Variants in CMTM8 observed in about 807,000 individuals in gnomAD.
CMTM8 encodes CKLF-like MARVEL transmembrane domain-containing protein 8.
Under a neutral mutation model 18.6 loss-of-function variants are expected in CMTM8, and 12 were observed. The ratio of observed to expected loss-of-function variants is 0.65; its 90% CI spans 0.41 to 1.05. The LOEUF (loss-of-function observed/expected upper bound fraction) is 1.05. CMTM8 is among the 50% of genes least tolerant of loss of function. The pLI is 0.00. For synonymous variants in CMTM8, 87 were observed against 90.6 expected, an observed-to-expected ratio of 0.96 and a Z score of 0.23; for missense variants, 217 against 227.2, an observed-to-expected ratio of 0.95 and a Z score of 0.29.
chr3:32,270,296 G>T (rs1249300955), intron 1 of CMTM8, among the ~76,000 whole-genome samples: 2 of 152,162 alleles, frequency 1.3e-5, no homozygotes, highest in East Asian at 3.9e-4. Context: ...TACCACCATT[G>T]TGAAAGTCAG....
chr3:32,246,786 G>A (rs1454468960), intron 1 of CMTM8, among the ~76,000 whole-genome samples: 2 of 152,210 alleles, frequency 1.3e-5, no homozygotes, highest in Non-Finnish European at 1.5e-5. Flanking sequence ...ATTGATAAGA[G>A]GGTATATGAA....
intron 1 of CMTM8, among the ~76,000 whole-genome samples, chr3:32,277,619 C>T (rs1490988256): frequency 1.3e-5 from 2 of 152,062 alleles, no homozygotes; most frequent in Non-Finnish European, 2.9e-5. Context: ...TCAAAGGACT[C>T]TATTACCCGA....
intron 1 of CMTM8, among the ~76,000 whole-genome samples, chr3:32,331,076 G>A (rs1020359112): frequency 1.3e-5 from 2 of 152,092 alleles, no homozygotes; most frequent in South Asian, 4.1e-4. Context: ...TCTGATAAGA[G>A]GTTAATATCC....
intron 1 of CMTM8, among the ~76,000 whole-genome samples, chr3:32,311,096 A>G (rs1260725010): frequency 5.9e-5 from 9 of 152,246 alleles, no homozygotes; most frequent in Admixed American, 5.9e-4. Context: ...ACAAAAGAGT[A>G]TATACGGTAT....
intron 1 of CMTM8, among the ~76,000 whole-genome samples, chr3:32,255,386 T>C (rs1220564237): frequency 1.3e-5 from 2 of 152,220 alleles, no homozygotes; most frequent in South Asian, 2.1e-4. Context: ...ACAATCCCTG[T>C]ACTACTTTTT....
Position 32,304,306 on chromosome 3 carries a change from G to A in CMTM8, c.148-53067G>A, listed in dbSNP as rs116813297. 6.1e-3 allele frequency among the ~76,000 whole-genome samples: 934 copies of A among 152,284 alleles called. 12 individuals carry two copies. The highest frequency in any genetic ancestry group is 0.021 in the African/African-American group (880 of 41,542). On this transcript the variant is annotated intron_variant, in intron 1 of 3. Transcript: ENST00000307526. ...GCTGAAAATGGGTGTCCTATTCTGA[G>A]ACAAGGAGAATGAATTTTCCCCCAA... is the stretch of plus-strand genomic sequence containing the variant.
chr3:32,336,783 A>AT (rs1322297911), intron 1 of CMTM8, among the ~76,000 whole-genome samples: 2 of 151,868 alleles, frequency 1.3e-5, no homozygotes, highest in African/African-American at 2.4e-5. Flanking sequence ...GATAGCGTTC[A>AT]TTTTTTTCTT....
At chr3:32,309,964 T>C (rs564232886) in intron 1 of CMTM8, among the ~76,000 whole-genome samples, 1 of 152,346 alleles carries the variant, frequency 6.6e-6, no homozygotes, top group Admixed American at 6.5e-5. Context: ...TGGTCAGCCC[T>C]GCTTTCTGCA....
In CMTM8 at chr3:32,239,105, A is replaced by G. The variant is rs748368692; in HGVS notation, c.133A>G (p.Ile45Val). ...EFLRTLPGFL[I>V]VAEIVLGLLV... ...CCTCCGCACCCTGCCCGGCTTCCTC[A>G]TCGTGGCCGAGATCGTGAGTGCCGA... is the stretch of plus-strand genomic sequence containing the variant. Residue 45 changes from isoleucine (I) to valine (V), a missense_variant, in exon 1 of 4, where the codon ATC becomes GTC. Physicochemically the swap from Ile to Val is conservative, Grantham distance 29. Coordinates refer to ENST00000307526, the MANE Select transcript of CMTM8 (RefSeq NM_178868.5). The G allele has an allele frequency of 6.3e-7, 1 of 1,599,720 alleles. No homozygotes were observed. The highest frequency in any genetic ancestry group is 8.5e-7 in the Non-Finnish European group (1 of 1,173,896).
intron 1 of CMTM8, among the ~76,000 whole-genome samples, chr3:32,269,853 C>T (rs1031819426): frequency 6.6e-6 from 1 of 152,102 alleles, no homozygotes; most frequent in African/African-American, 2.4e-5. Context: ...TCATAGTTCA[C>T]TCTAAACTTG....
chr3:32,333,004 C>T (rs1436980061), intron 1 of CMTM8, among the ~76,000 whole-genome samples: 1 of 152,096 alleles, frequency 6.6e-6, no homozygotes, highest in Non-Finnish European at 1.5e-5. Flanking sequence ...TTTTAATGTA[C>T]ATAGATGGTA....
In CMTM8 at chr3:32,298,422, C is replaced by CT. The variant is rs542062371; in HGVS notation, c.148-58950dup. ...TTTGAGGATCTAAAATACAGAGATA[C>CT]TATAAACATACCCCCCTTTTTTTTT... is the stretch of plus-strand genomic sequence containing the variant. On this transcript the variant is annotated intron_variant, in intron 1 of 3. Transcript: ENST00000307526. 2.7e-3 allele frequency among the ~76,000 whole-genome samples: 402 copies of CT among 149,456 alleles called. 3 individuals are homozygous for CT. The highest frequency in any genetic ancestry group is 9.5e-3 in the African/African-American group (389 of 40,780).
At chr3:32,299,200 G>C (rs938547667) in intron 1 of CMTM8, among the ~76,000 whole-genome samples, 2 of 151,948 alleles carry the variant, frequency 1.3e-5, no homozygotes, top group Admixed American at 6.6e-5. Context: ...TGTAAGGTGA[G>C]AAAATTTCAA....
At position 32,367,929 on chromosome 3, in the gene CMTM8, G is replaced by T. The variant is rs371814015; in HGVS notation, c.379G>T (p.Ala127Ser). ...GTACCTCTCTGCCGCTGTTGTAGAT[G>T]CATCTTCCGTCTCCCCTGAGAGGGA... ...VLYLSAAVVD[A>S]SSVSPERDSH... The change falls in exon 3 of 4, where the codon GCA becomes TCA. Residue 127 changes from alanine to serine, a missense_variant. Ala to Ser is a moderately conservative substitution (Grantham distance 99). Transcript: ENST00000307526. 19 of 1,614,036 alleles carry T rather than the reference G, an allele frequency of 1.2e-5. No homozygotes were observed. The Admixed American group carries it at 1.7e-4, about 14-fold the overall frequency.
intron 2 of CMTM8, 148 bp downstream of exon 2, chr3:32,357,694 A>T (rs1696843658): frequency 1.5e-6 from 1 of 676,338 alleles, no homozygotes; most frequent in Non-Finnish European, 2.3e-6. Flanking sequence ...TCTCAGCATC[A>T]TCTAATTGCC....
rs541315515 is a variant in CMTM8, at chr3:32,296,677, A to T, written c.147+57558A>T. On this transcript the variant is annotated intron_variant, in intron 1 of 3. Coordinates refer to ENST00000307526, the MANE Select transcript of CMTM8 (RefSeq NM_178868.5). ...TTGCTTAAGTGCAAGAGCTCTGTTG[A>T]TGTATTCCACAGGAATGGCACCCCT... 5.9e-5 allele frequency among the ~76,000 whole-genome samples: 9 copies of T among 152,248 alleles called. No individual in the cohort carries two copies. In the South Asian group the frequency reaches 1.9e-3, roughly 32 times the overall value.
chr3:32,239,724 G>A (rs1701920591), intron 1 of CMTM8, among the ~76,000 whole-genome samples: 1 of 152,158 alleles, frequency 6.6e-6, no homozygotes, highest in Non-Finnish European at 1.5e-5. Context: ...TCTCTTCATT[G>A]GAGGGCATAG....
At chr3:32,241,295 C>T (rs1279044571) in intron 1 of CMTM8, among the ~76,000 whole-genome samples, 1 of 152,204 alleles carries the variant, frequency 6.6e-6, no homozygotes, top group African/African-American at 2.4e-5. Context: ...TCCAATTATA[C>T]ATACCCTCTT....
At chr3:32,294,415 C>T (rs1320420964) in intron 1 of CMTM8, among the ~76,000 whole-genome samples, 2 of 152,210 alleles carry the variant, frequency 1.3e-5, no homozygotes, top group Admixed American at 6.5e-5. Flanking sequence ...TTGTCCTTCT[C>T]CACGTTCCCT....
Sources: gnomAD v4.1 joint callset for allele counts (sites outside exome capture counted in the v4.1 genomes callset) on GRCh38, gnomAD v4.1.1 for gene constraint, MANE v1.5 for transcripts, NCBI Gene and HGNC (gene_info 2026-07-23, HGNC 2026-07-21) for gene names.